The following NACC2 variants were observed in gnomAD, a reference collection of about 807,000 sequenced individuals.
The protein encoded by NACC2 is nucleus accumbens-associated protein 2.
Under a neutral mutation model 25.1 loss-of-function variants are expected in NACC2, and 8 were observed. The observed-to-expected ratio is 0.32, with a 90% CI of 0.19 to 0.57. The LOEUF (loss-of-function observed/expected upper bound fraction) is 0.57. Ranked by LOEUF, NACC2 falls within the 20% of genes least tolerant of loss-of-function variation. NACC2 has a pLI of 0.89. For missense variants in NACC2, 644 were observed against 650.2 expected (o/e 0.99, Z 0.10); for synonymous variants, 435 against 294.7 (o/e 1.48, Z -4.88).
intron 1 of NACC2, among the ~76,000 whole-genome samples, chr9:136,054,880 G>A (rs1184964556): frequency 6.6e-6 from 1 of 152,044 alleles, no homozygotes; most frequent in Non-Finnish European, 1.5e-5. Context: ...CTCTCAAAAC[G>A]CCCTTCAGAA....
At chr9:136,061,629 A>ACCCCAGC (rs1393474556) in intron 1 of NACC2, among the ~76,000 whole-genome samples, 25 of 151,982 alleles carry the variant, frequency 1.6e-4, no homozygotes, top group Non-Finnish European at 1.5e-5. Context: ...CAGCAGGTCT[A>ACCCCAGC]CCCCAGCCCC....
intron 1 of NACC2, among the ~76,000 whole-genome samples, chr9:136,083,668 G>A (rs1024227564): frequency 3.3e-5 from 5 of 152,254 alleles, no homozygotes; most frequent in Admixed American, 6.5e-5. Flanking sequence ...CTGGCACCAC[G>A]CTGCGGAGGC....
intron 2 of NACC2, among the ~76,000 whole-genome samples, chr9:136,023,278 C>A (rs866426492): frequency 1.3e-5 from 2 of 151,734 alleles, no homozygotes; most frequent in African/African-American, 4.8e-5. Flanking sequence ...AGAATCCTCA[C>A]TGGCACCCCC....
intron 1 of NACC2, among the ~76,000 whole-genome samples, chr9:136,081,322 C>G (rs1285798441): frequency 6.6e-6 from 1 of 152,160 alleles, no homozygotes; most frequent in Non-Finnish European, 1.5e-5. Context: ...GACCTGCACA[C>G]CACACACCCC....
At position 136,034,957 on chromosome 9, in the gene NACC2, G is replaced by A. The variant is rs925865028; in HGVS notation, c.886+14679C>T. Among the ~76,000 whole-genome samples the A allele has an allele frequency of 3.3e-3, 495 of 152,236 alleles. 2 individuals carry two copies. Among genetic ancestry groups the A allele is most frequent in the Non-Finnish European group, 5.6e-3 (381 of 68,024 alleles). On this transcript the variant is annotated intron_variant, in intron 2 of 5. Transcript: ENST00000277554. ...AAAAATACAAAAATTAGCCGGGCATGGTGGTGGGTGCCTGTAATCCCAGGT... is the reference window on the plus strand; with the variant it reads ...AAAAATACAAAAATTAGCCGGGCATAGTGGTGGGTGCCTGTAATCCCAGGT...
rs978876947 is a variant in NACC2 at position 136,018,661 on chromosome 9, G to T, written c.887-2232C>A. Among the ~76,000 whole-genome samples the T allele has an allele frequency of 2.6e-5, 4 of 152,018 alleles. No individual in the cohort carries two copies. The highest frequency in any genetic ancestry group is 1.3e-4 in the Admixed American group (2 of 15,278). Reference sequence around the variant, plus strand: ...GGCCAGAAAGGGGGCCTCAAAGGTGGGTGCACAGCCCCTGCCCGGCCACTA... The same window carrying T: ...GGCCAGAAAGGGGGCCTCAAAGGTGTGTGCACAGCCCCTGCCCGGCCACTA... On this transcript the variant is annotated intron_variant, in intron 2 of 5. Transcript: ENST00000277554. This position sits in a 1 kb window ranked among gnomAD's most constrained non-coding sequence, Gnocchi z 4.4.
chr9:136,053,754 G>T (rs894805013), intron 1 of NACC2, among the ~76,000 whole-genome samples: 4 of 152,222 alleles, frequency 2.6e-5, no homozygotes, highest in African/African-American at 9.6e-5. Flanking sequence ...TCGCCCCAAG[G>T]ACGGGGGGGT....
chr9:136,042,941 G>A (rs894653673), intron 2 of NACC2, among the ~76,000 whole-genome samples: 1 of 131,918 alleles, frequency 7.6e-6, no homozygotes, highest in Non-Finnish European at 1.6e-5. Context: ...CACAGAGACA[G>A]ACAGACACAC....
intron 1 of NACC2, among the ~76,000 whole-genome samples, chr9:136,094,854 C>T (rs2131196819): frequency 6.6e-6 from 1 of 151,612 alleles, no homozygotes; most frequent in South Asian, 2.1e-4. Flanking sequence ...TCCAGGGAAA[C>T]CCAGCAGGCG....
chr9:136,074,138 CA>C (rs1449594244), intron 1 of NACC2, among the ~76,000 whole-genome samples: 1 of 151,722 alleles, frequency 6.6e-6, no homozygotes, highest in Admixed American at 6.6e-5. Context: ...ATAGTCTCCA[CA>C]AATAATTTGT....
intron 1 of NACC2, among the ~76,000 whole-genome samples, chr9:136,087,342 C>T (rs1042390467): frequency 6.6e-6 from 1 of 152,214 alleles, no homozygotes; most frequent in East Asian, 1.9e-4. Context: ...TACCCTGCCC[C>T]CCTCCAACAC....
At chr9:136,032,319 G>A (rs989141989) in intron 2 of NACC2, among the ~76,000 whole-genome samples, 30 of 152,236 alleles carry the variant, frequency 2.0e-4, no homozygotes, top group African/African-American at 7.0e-4. Flanking sequence ...GGGCAGCAGA[G>A]GAAAACCACA....
intron 1 of NACC2, among the ~76,000 whole-genome samples, chr9:136,078,056 G>A (rs1830281766): frequency 6.6e-6 from 1 of 152,204 alleles, no homozygotes. Context: ...ATAGGCATGA[G>A]CCACCGCGTC....
At chr9:136,031,406 C>T (rs771809394) in intron 2 of NACC2, among the ~76,000 whole-genome samples, 6 of 152,116 alleles carry the variant, frequency 3.9e-5, no homozygotes, top group South Asian at 2.1e-4. Context: ...GGCACAATCT[C>T]GGCTCACTGC....
intron 1 of NACC2, among the ~76,000 whole-genome samples, chr9:136,082,326 C>T (rs72773723): frequency 0.073 from 11,148 of 152,342 alleles, 439 homozygotes; most frequent in Non-Finnish European, 0.086. Context: ...AGGCCAAGTC[C>T]GGGCTCTGCC....
intron 1 of NACC2, among the ~76,000 whole-genome samples, chr9:136,083,392 G>T (rs1397623299): frequency 1.3e-5 from 2 of 152,192 alleles, no homozygotes; most frequent in African/African-American, 4.8e-5. Context: ...GAGGGAGTGG[G>T]GCAGGTGGAC....
At chr9:136,051,074 GTTTGCTT>G (rs1840826226) in intron 1 of NACC2, among the ~76,000 whole-genome samples, 1 of 152,200 alleles carries the variant, frequency 6.6e-6, no homozygotes, top group African/African-American at 2.4e-5. Context: ...GCAGTTTGCG[GTTTGCTT>G]TCCCTCTCTT....
At position 136,072,452 on chromosome 9, in the gene NACC2, C is replaced by T. The variant is rs148325313; in HGVS notation, c.-59-21872G>A. On this transcript the variant is annotated intron_variant, in intron 1 of 5. Transcript: ENST00000277554. Reference sequence around the variant, plus strand: ...CCCAGCTACTTGAGAGGCTGAGGCACAAGAATTGCTTGAACCCAGAAGGCA... The same window carrying T: ...CCCAGCTACTTGAGAGGCTGAGGCATAAGAATTGCTTGAACCCAGAAGGCA... Among the ~76,000 whole-genome samples, 689 of 151,648 alleles carry T rather than the reference C, an allele frequency of 4.5e-3. 7 individuals are homozygous for T. The highest frequency in any genetic ancestry group is 0.015 in the African/African-American group (624 of 41,336).
intron 2 of NACC2, among the ~76,000 whole-genome samples, chr9:136,031,696 A>G (rs192112318): frequency 2.3e-4 from 35 of 152,376 alleles, no homozygotes; most frequent in Non-Finnish European, 5.9e-5. Context: ...TTTTCCTTAA[A>G]GCAAAATTAG....
Sources: gnomAD v4.1 joint callset for allele counts (sites outside exome capture counted in the v4.1 genomes callset) on GRCh38, gnomAD v4.1.1 for gene constraint, Gnocchi (gnomAD v3.1) non-coding constraint, MANE v1.5 for transcripts, NCBI Gene and HGNC (gene_info 2026-07-23, HGNC 2026-07-21) for gene names.